The following AGMO variants were observed in gnomAD, a reference collection of about 807,000 sequenced individuals.
AGMO encodes the protein alkylglycerol monooxygenase, also known as glyceryl-ether monooxygenase.
In AGMO, 75 loss-of-function variants were observed where a neutral mutation model predicts 60.2. The observed-to-expected ratio is 1.25, with a 90% CI of 1.03 to 1.51. The LOEUF (loss-of-function observed/expected upper bound fraction) is 1.51, where lower values mean the gene tolerates loss of function less well. Ranked by LOEUF, AGMO falls within the 40% of genes most tolerant of loss-of-function variation. The probability of loss-of-function intolerance (pLI) is 0.00; values close to 1 mark genes in which losing one functional copy is unlikely to be tolerated. For synonymous variants in AGMO, 261 were observed against 177.1 expected (o/e 1.47, Z -3.76); for missense variants, 763 against 525.5 (o/e 1.45, Z -4.42).
chr7:15,235,930 G>A (rs576340601), intron 12 of AGMO, among the ~76,000 whole-genome samples: 7 of 152,054 alleles, frequency 4.6e-5, no homozygotes, highest in Non-Finnish European at 5.9e-5. Flanking sequence ...CCCACCAAGC[G>A]TGGCTTATTC....
intron 4 of AGMO, among the ~76,000 whole-genome samples, chr7:15,427,016 A>T (rs1265001761): frequency 6.6e-6 from 1 of 152,164 alleles, no homozygotes; most frequent in Non-Finnish European, 1.5e-5. Flanking sequence ...AGTTAGCTTC[A>T]TTCGAATGGT....
chr7:15,291,331 C>T (rs73060455), intron 12 of AGMO, among the ~76,000 whole-genome samples: 17 of 152,132 alleles, frequency 1.1e-4, no homozygotes, highest in Non-Finnish European at 2.2e-4. Flanking sequence ...CAATGGGAAA[C>T]GTTACGATTC....
intron 3 of AGMO, among the ~76,000 whole-genome samples, chr7:15,442,679 C>T (rs976520043): frequency 4.6e-5 from 7 of 151,990 alleles, no homozygotes; most frequent in African/African-American, 1.7e-4. Context: ...GAGGGCTCCA[C>T]CCCCGGGGCC....
intron 12 of AGMO, among the ~76,000 whole-genome samples, chr7:15,271,457 G>C (rs1188446969): frequency 2.0e-5 from 3 of 151,956 alleles, no homozygotes; most frequent in African/African-American, 7.2e-5. Flanking sequence ...TTTTCATTTG[G>C]TTCTCAGGTT....
At chr7:15,144,852 C>G in the AGMO span, among the ~76,000 whole-genome samples, 1 of 152,180 alleles carries the variant, frequency 6.6e-6, no homozygotes, top group African/African-American at 2.4e-5. Context: ...GTTGTTGAGA[C>G]GGAGTCTCGC....
In AGMO at chr7:15,466,893, T is replaced by C. The variant is rs112445108; in HGVS notation, c.410-35785A>G. The stretch of plus-strand genomic sequence containing the variant: ...TGTCTGTCTTCTACTATGTAAACAA[T>C]TGTAGGTAAGGTTACCAGGGAAATG... On this transcript the variant is annotated intron_variant, in intron 3 of 12. Coordinates refer to ENST00000342526, the MANE Select transcript of AGMO (RefSeq NM_001004320.2). Among the ~76,000 whole-genome samples, 137 of 152,158 alleles carry C rather than the reference T, an allele frequency of 9.0e-4. No individual in the cohort carries two copies. The Middle Eastern group carries it at 0.017, about 19-fold the overall frequency.
chr7:15,166,853 C>G, the AGMO span, among the ~76,000 whole-genome samples: 1 of 152,146 alleles, frequency 6.6e-6, no homozygotes, highest in Admixed American at 6.5e-5. Flanking sequence ...TTTCTGACAA[C>G]TGAGATAGAG....
intron 12 of AGMO, among the ~76,000 whole-genome samples, chr7:15,348,274 C>T (rs528850428): frequency 1.3e-5 from 2 of 152,082 alleles, no homozygotes; most frequent in East Asian, 3.9e-4. Flanking sequence ...TTGGGAGAAA[C>T]CCTCATCAAT....
intron 4 of AGMO, among the ~76,000 whole-genome samples, 158 bp from the exon 5 acceptor site, chr7:15,418,811 C>T (rs1309123755): frequency 6.6e-6 from 1 of 151,596 alleles, no homozygotes; most frequent in Non-Finnish European, 1.5e-5. Context: ...ATTAATTTTC[C>T]TCATGGTGAT....
chr7:15,277,100 G>A (rs1387931395), intron 12 of AGMO, among the ~76,000 whole-genome samples: 1 of 151,906 alleles, frequency 6.6e-6, no homozygotes, highest in African/African-American at 2.4e-5. Flanking sequence ...CCGAGATCAG[G>A]AGTTCTAGAC....
At chr7:15,159,086 T>C in the AGMO span, among the ~76,000 whole-genome samples, 1 of 152,226 alleles carries the variant, frequency 6.6e-6, no homozygotes, top group African/African-American at 2.4e-5. Flanking sequence ...AACAAGATTG[T>C]TTCTTGATTA....
chr7:15,446,699 A>C (rs1781707214), intron 3 of AGMO, among the ~76,000 whole-genome samples: 1 of 152,224 alleles, frequency 6.6e-6, no homozygotes, highest in African/African-American at 2.4e-5. Context: ...AAGTAATTTC[A>C]GTGCATATTT....
chr7:15,317,273 C>G (rs938682974), intron 12 of AGMO, among the ~76,000 whole-genome samples: 1 of 152,064 alleles, frequency 6.6e-6, no homozygotes, highest in African/African-American at 2.4e-5. Flanking sequence ...TGCATTATAT[C>G]TAATGTATAT....
intron 12 of AGMO, among the ~76,000 whole-genome samples, chr7:15,277,795 C>A (rs1309470532): frequency 6.6e-6 from 1 of 152,156 alleles, no homozygotes; most frequent in African/African-American, 2.4e-5. Context: ...ATAGAGGTGT[C>A]CATTGTGCCC....
At chr7:15,309,621 A>C (rs569130700) in intron 12 of AGMO, among the ~76,000 whole-genome samples, 1 of 152,302 alleles carries the variant, frequency 6.6e-6, no homozygotes, top group East Asian at 1.9e-4. Flanking sequence ...TTAGTTTTCT[A>C]TATAATGTAG....
chr7:15,205,273 C>A (rs895192636), intron 12 of AGMO, among the ~76,000 whole-genome samples: 1 of 152,150 alleles, frequency 6.6e-6, no homozygotes, highest in Non-Finnish European at 1.5e-5. Flanking sequence ...AGCTAGGGAT[C>A]TTCCACAGCC....
intron 12 of AGMO, among the ~76,000 whole-genome samples, chr7:15,299,276 G>A (rs1270514868): frequency 7.2e-5 from 11 of 152,006 alleles, no homozygotes; most frequent in African/African-American, 2.7e-4. Flanking sequence ...TTCAGTGAAA[G>A]TAAAGTACAT....
the AGMO span, among the ~76,000 whole-genome samples, chr7:15,146,515 A>ATTT: frequency 9.0e-4 from 130 of 145,208 alleles, no homozygotes; most frequent in Middle Eastern, 3.7e-3. Flanking sequence ...GCAATCAGCT[A>ATTT]TTTTTTTTTT....
At chr7:15,447,532 T>C (rs1781732115) in intron 3 of AGMO, among the ~76,000 whole-genome samples, 1 of 152,132 alleles carries the variant, frequency 6.6e-6, no homozygotes, top group South Asian at 2.1e-4. Context: ...ATTCAAAGTC[T>C]GCAATGTTCT....
Sources: gnomAD v4.1 joint callset for allele counts (sites outside exome capture counted in the v4.1 genomes callset) on GRCh38, gnomAD v4.1.1 for gene constraint, MANE v1.5 for transcripts, NCBI Gene and HGNC (gene_info 2026-07-23, HGNC 2026-07-21) for gene names.